PARD3B: variants seen among roughly 807,000 people sequenced by gnomAD.
The protein encoded by PARD3B is par-3 family cell polarity regulator beta, also known as partitioning defective 3 homolog B.
In PARD3B, 103 loss-of-function variants were observed where a neutral mutation model predicts 130.2. The observed-to-expected ratio is 0.79, with a 90% CI of 0.67 to 0.93. The LOEUF is 0.93. PARD3B is among the 40% of genes least tolerant of loss of function. PARD3B has a pLI of 0.00. For missense variants in PARD3B, 1,609 were observed against 1,499.2 expected, an observed-to-expected ratio of 1.07 and a Z score of -1.21; for synonymous variants, 583 against 553.2, an observed-to-expected ratio of 1.05 and a Z score of -0.76.
At chr2:204,842,431 A>T (rs2044290717) in intron 2 of PARD3B, among the ~76,000 whole-genome samples, 1 of 152,080 alleles carries the variant, frequency 6.6e-6, no homozygotes, top group Admixed American at 6.6e-5. Flanking sequence ...AATGAGGAGG[A>T]TTAAGTAAGC....
intron 1 of PARD3B, among the ~76,000 whole-genome samples, chr2:204,645,885 A>G (rs1035671979): frequency 6.6e-6 from 1 of 151,990 alleles, no homozygotes; most frequent in African/African-American, 2.4e-5. Context: ...TAATCAATGT[A>G]TTTTCATGGC....
At position 205,125,212 on chromosome 2, in the gene PARD3B, T is replaced by C. The variant is rs1027831384; in HGVS notation, c.1306-397T>C. Among the ~76,000 whole-genome samples, 2 of 152,220 alleles carry C rather than the reference T, an allele frequency of 1.3e-5. No individual in the cohort carries two copies. Among genetic ancestry groups the C allele is most frequent in the Non-Finnish European group, 2.9e-5 (2 of 68,034 alleles). On this transcript the variant is annotated intron_variant, in intron 9 of 22. Transcript: ENST00000406610. This position sits in a 1 kb window ranked among gnomAD's most constrained non-coding sequence, Gnocchi z 4.0. ...TATGTTTAAAACCTGCAGGATTCTA[T>C]TGCTAGGTTCGTATTTGCAGAGAAA...
intron 2 of PARD3B, among the ~76,000 whole-genome samples, chr2:204,735,758 C>T (rs895412960): frequency 2.6e-5 from 4 of 152,010 alleles, no homozygotes; most frequent in African/African-American, 4.8e-5. Flanking sequence ...TTGGTTTTGA[C>T]GAGACTGTTT....
intron 22 of PARD3B, among the ~76,000 whole-genome samples, chr2:205,581,295 T>TATAG (rs201056070): frequency 6.8e-6 from 1 of 146,818 alleles, no homozygotes; most frequent in Non-Finnish European, 1.5e-5. Flanking sequence ...TATAGATAGA[T>TATAG]ATAGATAGAT....
At chr2:204,740,279 C>T (rs2039951092) in intron 2 of PARD3B, among the ~76,000 whole-genome samples, 1 of 152,072 alleles carries the variant, frequency 6.6e-6, no homozygotes, top group Admixed American at 6.5e-5. Context: ...GCCTTGGCCT[C>T]CCAAAGGGCT....
rs376666011 is a variant in PARD3B, at chr2:205,440,353, T to C, written c.2742-17T>C. ...GAAACTCACATACATCTTTGCTACCTGTACTGTATTTTTCAGGATTGGAGC... is the reference window on the plus strand; with the variant it reads ...GAAACTCACATACATCTTTGCTACCCGTACTGTATTTTTCAGGATTGGAGC... On this transcript the variant is annotated splice_polypyrimidine_tract_variant and intron_variant, in intron 19 of 22. Transcript: ENST00000406610. The surrounding 1 kb of genome is among the most constrained non-coding windows in gnomAD (Gnocchi z 4.2). 9.9e-6 allele frequency: 16 copies of C among 1,610,454 alleles called. No individual in the cohort carries two copies. In the African/African-American group the frequency reaches 1.9e-4, roughly 19 times the overall value.
chr2:205,225,611 C>G (rs1282967633), intron 15 of PARD3B, among the ~76,000 whole-genome samples: 2 of 152,176 alleles, frequency 1.3e-5, no homozygotes, highest in African/African-American at 2.4e-5. Flanking sequence ...ACTCATAGTT[C>G]TGCAGGCTGT....
chr2:204,971,207 C>G (rs190572833), intron 3 of PARD3B, among the ~76,000 whole-genome samples: 4 of 152,096 alleles, frequency 2.6e-5, no homozygotes, highest in Non-Finnish European at 5.9e-5. Context: ...TTCAGGAAAA[C>G]GTAAAGAAAG....
intron 22 of PARD3B, among the ~76,000 whole-genome samples, chr2:205,597,964 T>C (rs1043164433): frequency 7.2e-5 from 11 of 151,956 alleles, no homozygotes; most frequent in African/African-American, 1.7e-4. Flanking sequence ...AAAAAGGGAA[T>C]GTTAAACATG....
chr2:205,324,091 CTTT>C (rs2042854402), intron 18 of PARD3B, among the ~76,000 whole-genome samples: 1 of 152,138 alleles, frequency 6.6e-6, no homozygotes, highest in South Asian at 2.1e-4. Flanking sequence ...TACACACCTT[CTTT>C]TGTCAGGGGC....
At chr2:205,554,207 T>A (rs1305798164) in intron 22 of PARD3B, among the ~76,000 whole-genome samples, 1 of 151,660 alleles carries the variant, frequency 6.6e-6, no homozygotes, top group Non-Finnish European at 1.5e-5. Context: ...TTGCAGTGTT[T>A]TCAAATATTG....
At chr2:204,961,144 A>G (rs1307670268) in intron 2 of PARD3B, among the ~76,000 whole-genome samples, 1 of 152,164 alleles carries the variant, frequency 6.6e-6, no homozygotes, top group Non-Finnish European at 1.5e-5. Flanking sequence ...CTTTTCTTCA[A>G]GTGAGGTGGG....
chr2:204,790,840 C>T (rs530402370), intron 2 of PARD3B, among the ~76,000 whole-genome samples: 42 of 152,164 alleles, frequency 2.8e-4, no homozygotes, highest in Non-Finnish European at 4.7e-4. Flanking sequence ...TGTGGTGGCT[C>T]ACGCCTGTAA....
intron 3 of PARD3B, among the ~76,000 whole-genome samples, chr2:204,989,123 C>T (rs911853567): frequency 6.6e-6 from 1 of 152,082 alleles, no homozygotes; most frequent in African/African-American, 2.4e-5. Context: ...AGGCTACAGT[C>T]AGCACTCAGG....
At chr2:205,195,817 A>T (rs931594994) in intron 15 of PARD3B, among the ~76,000 whole-genome samples, 1 of 117,408 alleles carries the variant, frequency 8.5e-6, no homozygotes, top group African/African-American at 3.1e-5. Context: ...GCATTTTCAT[A>T]TGGTTCAAAA....
chr2:205,345,767 C>T lies in PARD3B; in HGVS notation c.2630+44066C>T, dbSNP rs972284882. Among the ~76,000 whole-genome samples, 5 of 119,138 alleles carry T rather than the reference C, an allele frequency of 4.2e-5. 1 individual carries two copies. The highest frequency in any genetic ancestry group is 1.3e-4 in the African/African-American group (5 of 38,466). 78.2% of individuals were successfully genotyped at this position (119,138 alleles called of 152,430 possible). A position where few individuals can be genotyped will look rare whatever the true frequency, so the allele number is the denominator to read the frequency against. ...TATATTCTCTTCAGAAAATTATTCT[C>T]TGGAGAAACTGAATAGTTACAAGGG... is the stretch of plus-strand genomic sequence containing the variant. On this transcript the variant is annotated intron_variant, in intron 18 of 22. Transcript: ENST00000406610.
intron 2 of PARD3B, among the ~76,000 whole-genome samples, chr2:204,829,240 T>G (rs561803517): frequency 4.1e-4 from 62 of 152,360 alleles, no homozygotes; most frequent in African/African-American, 1.3e-3. Context: ...AACCAACATT[T>G]ACTGAATGAC....
intron 22 of PARD3B, among the ~76,000 whole-genome samples, chr2:205,604,892 A>G (rs1261255903): frequency 6.6e-6 from 1 of 152,046 alleles, no homozygotes; most frequent in Non-Finnish European, 1.5e-5. Context: ...GTTCTCAGGG[A>G]ATTTGTTCAT....
At chr2:205,556,622 A>ATGACT (rs1387903747) in intron 22 of PARD3B, among the ~76,000 whole-genome samples, 1 of 152,206 alleles carries the variant, frequency 6.6e-6, no homozygotes, top group Non-Finnish European at 1.5e-5. Flanking sequence ...CCTAAGAAAA[A>ATGACT]TGACTTTACT....
Sources: allele counts gnomAD v4.1 joint callset (sites outside exome capture counted in the v4.1 genomes callset), GRCh38; gene constraint gnomAD v4.1.1; non-coding constraint Gnocchi (gnomAD v3.1); transcripts MANE v1.5; gene names NCBI Gene and HGNC (gene_info 2026-07-23, HGNC 2026-07-21).